Variants in PAK1 observed in about 807,000 individuals in gnomAD.
The protein encoded by PAK1 is serine/threonine-protein kinase PAK 1.
A neutral mutation model predicts 67.4 loss-of-function variants in PAK1; 29 were observed. That is an observed-to-expected ratio of 0.43 (90% CI 0.32 to 0.59). The LOEUF is 0.59. Among genes scored for constraint, PAK1 ranks in the 20% least tolerant of loss-of-function variants. PAK1 has a pLI of 0.07. For missense variants in PAK1, 337 were observed against 670.7 expected (o/e 0.50, Z 5.50); for synonymous variants, 223 against 237.4 (o/e 0.94, Z 0.56).
chr11:77,416,132 C>T (rs1954939316), intron 1 of PAK1, among the ~76,000 whole-genome samples: 2 of 152,180 alleles, frequency 1.3e-5, no homozygotes, highest in South Asian at 2.1e-4. Flanking sequence ...GCGTGTGCCA[C>T]CATGCCCAGC....
intron 1 of PAK1, among the ~76,000 whole-genome samples, chr11:77,409,896 C>T (rs1196384949): frequency 2.0e-5 from 3 of 151,926 alleles, no homozygotes; most frequent in African/African-American, 7.3e-5. Context: ...AAATTTTTAA[C>T]TAAAAAAAAA....
chr11:77,413,961 C>T (rs1954811708), intron 1 of PAK1, among the ~76,000 whole-genome samples: 1 of 152,180 alleles, frequency 6.6e-6, no homozygotes, highest in Non-Finnish European at 1.5e-5. Flanking sequence ...CTTCCCACCC[C>T]ATGCAGCATC....
chr11:77,393,720 A>G (rs1951456024), intron 1 of PAK1, among the ~76,000 whole-genome samples: 1 of 152,214 alleles, frequency 6.6e-6, no homozygotes, highest in South Asian at 2.1e-4. Context: ...GATAGGGGAT[A>G]GGACAAGCGC....
chr11:77,385,088 CA>C (rs1259826653), intron 2 of PAK1, among the ~76,000 whole-genome samples: 5 of 151,848 alleles, frequency 3.3e-5, no homozygotes, highest in Non-Finnish European at 7.4e-5. Flanking sequence ...AGGTAATTAC[CA>C]AAAACTGGAG....
At chr11:77,462,545 A>G (rs1957400071) in intron 1 of PAK1, among the ~76,000 whole-genome samples, 1 of 151,744 alleles carries the variant, frequency 6.6e-6, no homozygotes, top group Non-Finnish European at 1.5e-5. Flanking sequence ...TAAAGAAGTC[A>G]TGTGGGCCAG....
chr11:77,338,913 G>T (rs1943150655), intron 11 of PAK1, among the ~76,000 whole-genome samples: 1 of 152,124 alleles, frequency 6.6e-6, no homozygotes, highest in African/African-American at 2.4e-5. Flanking sequence ...GTTACATAGG[G>T]CTGGGAGAGT....
At chr11:77,439,623 C>T (rs1010304547) in intron 1 of PAK1, among the ~76,000 whole-genome samples, 1 of 152,136 alleles carries the variant, frequency 6.6e-6, no homozygotes, top group Admixed American at 6.5e-5. Context: ...AAAAAATACC[C>T]AAGGACTTTT....
intron 5 of PAK1, among the ~76,000 whole-genome samples, chr11:77,371,848 C>A (rs906001389): frequency 6.6e-6 from 1 of 152,176 alleles, no homozygotes; most frequent in African/African-American, 2.4e-5. Flanking sequence ...ATCCTCCCTG[C>A]CATATGGCAT....
At chr11:77,388,207 T>A (rs930039377) in intron 2 of PAK1, among the ~76,000 whole-genome samples, 3 of 151,822 alleles carry the variant, frequency 2.0e-5, no homozygotes, top group Admixed American at 6.5e-5. Flanking sequence ...TAGCCTAAGG[T>A]TACTTAGATT....
intron 1 of PAK1, among the ~76,000 whole-genome samples, chr11:77,457,874 C>T (rs1370743370): frequency 1.3e-5 from 2 of 152,188 alleles, no homozygotes; most frequent in East Asian, 1.9e-4. Context: ...CTACCATATA[C>T]CTGCTGTATA....
chr11:77,366,407 C>T (rs942254532), intron 5 of PAK1, among the ~76,000 whole-genome samples: 1 of 152,134 alleles, frequency 6.6e-6, no homozygotes, highest in Non-Finnish European at 1.5e-5. Context: ...ATATACAGTA[C>T]GTACACGTGC....
chr11:77,401,207 A>T (rs1181309536), intron 1 of PAK1, among the ~76,000 whole-genome samples: 1 of 152,154 alleles, frequency 6.6e-6, no homozygotes, highest in Non-Finnish European at 1.5e-5. Flanking sequence ...TGAGAATCTG[A>T]TCTTTAATTA....
chr11:77,381,425 T>C (rs941863961), intron 2 of PAK1, among the ~76,000 whole-genome samples: 3 of 152,362 alleles, frequency 2.0e-5, no homozygotes, highest in East Asian at 3.9e-4. Context: ...GTTTTACTTG[T>C]AGATTAGAAA....
At chr11:77,424,083 T>C (rs1438009745) in intron 1 of PAK1, among the ~76,000 whole-genome samples, 1 of 152,192 alleles carries the variant, frequency 6.6e-6, no homozygotes, top group Non-Finnish European at 1.5e-5. Flanking sequence ...ACTAGTCCAA[T>C]GAGGAAACCA....
At chr11:77,450,093 C>T (rs1359581787) in intron 1 of PAK1, among the ~76,000 whole-genome samples, 1 of 152,186 alleles carries the variant, frequency 6.6e-6, no homozygotes, top group African/African-American at 2.4e-5. Context: ...AAAGTATTAA[C>T]TTGTGAGTAT....
At chr11:77,402,283 G>T (rs1362340004) in intron 1 of PAK1, among the ~76,000 whole-genome samples, 2 of 152,126 alleles carry the variant, frequency 1.3e-5, no homozygotes, top group East Asian at 1.9e-4. Flanking sequence ...AAACGGCAGA[G>T]AAATTTAGAG....
chr11:77,404,393 G>C (rs1022533917), intron 1 of PAK1, among the ~76,000 whole-genome samples: 30 of 151,430 alleles, frequency 2.0e-4, no homozygotes, highest in African/African-American at 6.8e-4. Context: ...TCAGCCTCCC[G>C]AGTAGCTAGA....
At chr11:77,367,960 A>G (rs1490298534) in intron 5 of PAK1, among the ~76,000 whole-genome samples, 1 of 152,202 alleles carries the variant, frequency 6.6e-6, no homozygotes, top group African/African-American at 2.4e-5. Flanking sequence ...GCCTGGTGAC[A>G]GAACGAGACT....
Position 77,323,238 on chromosome 11 carries a change from A to G in PAK1, c.*36T>C, listed in dbSNP as rs1181363136. 1.9e-6 allele frequency: 3 copies of G among 1,613,426 alleles called. No individual in the cohort carries two copies. The Admixed American group carries it at 5.0e-5, about 27-fold the overall frequency. ...TCTGAAATGTGCATTTATCTCACAGAAGGCTTGGCACAATGAGGCTGGGGT... is the reference window on the plus strand; with the variant it reads ...TCTGAAATGTGCATTTATCTCACAGGAGGCTTGGCACAATGAGGCTGGGGT... On this transcript the variant is annotated 3_prime_UTR_variant, in exon 15 of 15. Transcript: ENST00000356341.
Sources: allele counts gnomAD v4.1 joint callset (sites outside exome capture counted in the v4.1 genomes callset), GRCh38; gene constraint gnomAD v4.1.1; transcripts MANE v1.5; gene names NCBI Gene and HGNC (gene_info 2026-07-23, HGNC 2026-07-21).